Variants in CCDC191 observed in about 807,000 individuals in gnomAD.
The protein encoded by CCDC191 is coiled-coil domain containing 191.
CCDC191 carries 99 observed loss-of-function variants against 114.0 expected under a neutral mutation model. The observed-to-expected ratio is 0.87, with a 90% confidence interval of 0.74 to 1.03. CCDC191 has a LOEUF of 1.03. Among genes scored for constraint, CCDC191 ranks in the 50% least tolerant of loss-of-function variants. The pLI, the probability that CCDC191 is intolerant of heterozygous loss-of-function variation, is 0.00. For synonymous variants in CCDC191, 351 were observed against 376.0 expected (o/e 0.93, Z 0.77); for missense variants, 973 against 1,087.0 (o/e 0.90, Z 1.47).
At chr3:114,015,116 C>A (rs1276838383) in intron 8 of CCDC191, among the ~76,000 whole-genome samples, 1 of 152,032 alleles carries the variant, frequency 6.6e-6, no homozygotes, top group African/African-American at 2.4e-5. Context: ...CTCTGTCACT[C>A]CCACTTTGGG....
At chr3:113,973,802 T>C (rs1941059192) in intron 16 of CCDC191, among the ~76,000 whole-genome samples, 1 of 152,100 alleles carries the variant, frequency 6.6e-6, no homozygotes. Flanking sequence ...TTCTCTGACT[T>C]TCCTATACGT....
intron 16 of CCDC191, among the ~76,000 whole-genome samples, chr3:113,970,959 G>T (rs995038390): frequency 1.2e-4 from 18 of 152,112 alleles, no homozygotes; most frequent in African/African-American, 4.3e-4. Context: ...TCTTAATCCA[G>T]TCTATCATTG....
chr3:113,991,935 G>C (rs1271683240), intron 13 of CCDC191, among the ~76,000 whole-genome samples: 1 of 152,028 alleles, frequency 6.6e-6, no homozygotes, highest in Admixed American at 6.6e-5. Flanking sequence ...GCAGTAGTTA[G>C]GTACAAATCT....
At chr3:114,015,032 C>T (rs999199603) in intron 8 of CCDC191, among the ~76,000 whole-genome samples, 1 of 151,920 alleles carries the variant, frequency 6.6e-6, no homozygotes, top group African/African-American at 2.4e-5. Flanking sequence ...GAATGAATGA[C>T]CAAACGAATG....
chr3:114,055,996 T>C (rs1454834178), intron 1 of CCDC191, among the ~76,000 whole-genome samples: 4 of 144,652 alleles, frequency 2.8e-5, no homozygotes, highest in African/African-American at 7.7e-5. Flanking sequence ...TTAATAAAGA[T>C]CAATTACCCC....
intron 3 of CCDC191, among the ~76,000 whole-genome samples, chr3:114,045,539 A>G (rs914700523): frequency 6.6e-6 from 1 of 151,832 alleles, no homozygotes; most frequent in African/African-American, 2.4e-5. Flanking sequence ...GCCCTGCTAA[A>G]TCCTTCATAT....
At chr3:114,021,742 G>T (rs1232194523) in intron 7 of CCDC191, among the ~76,000 whole-genome samples, 1 of 151,978 alleles carries the variant, frequency 6.6e-6, no homozygotes, top group East Asian at 1.9e-4. Flanking sequence ...TCTATACTTT[G>T]GAACTACAAT....
intron 14 of CCDC191, 61 bp downstream of exon 14, chr3:113,980,581 TAACTGGGC>T (rs2075112644): frequency 7.0e-7 from 1 of 1,418,976 alleles, no homozygotes; most frequent in Non-Finnish European, 9.4e-7. Flanking sequence ...CCCCCAAGCT[TAACTGGGC>T]ATCCATCCTA....
At chr3:114,006,606 ATATATATATAT>A (rs2075968521) in intron 9 of CCDC191, among the ~76,000 whole-genome samples, 1 of 133,534 alleles carries the variant, frequency 7.5e-6, no homozygotes, top group African/African-American at 3.0e-5. Flanking sequence ...ATATATATAT[ATATATATATAT>A]AAATATATAT....
At chr3:114,001,502 T>C in intron 13 of CCDC191, 93 bp downstream of exon 13, 1 of 1,500,188 alleles carries the variant, frequency 6.7e-7, no homozygotes, top group Non-Finnish European at 9.0e-7. Flanking sequence ...GTATTCCAGA[T>C]AGAAGTTCTG....
intron 7 of CCDC191, among the ~76,000 whole-genome samples, chr3:114,022,773 G>C (rs943313806): frequency 6.6e-6 from 1 of 152,066 alleles, no homozygotes; most frequent in Non-Finnish European, 1.5e-5. Context: ...GATTAGAGAG[G>C]TAGTTTTAAG....
intron 16 of CCDC191, among the ~76,000 whole-genome samples, chr3:113,972,709 T>A (rs1940945454): frequency 6.6e-6 from 1 of 152,142 alleles, no homozygotes; most frequent in Non-Finnish European, 1.5e-5. Context: ...TCTCTCCCTT[T>A]ATTGTTTGCT....
At chr3:114,050,100 G>A (rs1340607369) in intron 2 of CCDC191, among the ~76,000 whole-genome samples, 1 of 152,174 alleles carries the variant, frequency 6.6e-6, no homozygotes, top group Non-Finnish European at 1.5e-5. Context: ...CTTCAAAAGC[G>A]TATCATAGTA....
In CCDC191 at chr3:114,036,769, C is replaced by A; in HGVS notation, c.433G>T (p.Glu145Ter). 1.3e-6 allele frequency: 2 copies of A among 1,547,352 alleles called. No homozygotes were observed. Among genetic ancestry groups the A allele is most frequent in the Middle Eastern group, 1.7e-4 (1 of 5,826 alleles). The part of the protein sequence containing the change: ...DKFDDLCGYL[E>*]EEEESTTVQK... ...ACGGTGGTACTTTCCTCTTCTTCCT[C>A]CAAATAGCCACATAAATCTGGGGGA... The change falls in exon 5 of 17, where the codon GAG becomes TAG. Residue 145 changes from glutamate to a stop codon, truncating the protein, a stop_gained. Transcript: ENST00000295878. LOFTEE classifies it high-confidence loss of function.
intron 11 of CCDC191, chr3:114,002,850 C>G: frequency 1.0e-6 from 1 of 973,598 alleles, no homozygotes; most frequent in South Asian, 4.7e-5. Context: ...ATATGAAACC[C>G]AGAAACCAGA....
At chr3:114,016,075 C>T (rs775890958) in intron 8 of CCDC191, among the ~76,000 whole-genome samples, 2 of 152,194 alleles carry the variant, frequency 1.3e-5, no homozygotes, top group African/African-American at 2.4e-5. Flanking sequence ...GAGCGGAAAT[C>T]GAGGTGGCAA....
chr3:114,020,630 T>C (rs1404812594), intron 7 of CCDC191, among the ~76,000 whole-genome samples: 2 of 152,088 alleles, frequency 1.3e-5, no homozygotes, highest in African/African-American at 2.4e-5. Context: ...TTTGCATCAT[T>C]TGTTTACCTG....
intron 16 of CCDC191, among the ~76,000 whole-genome samples, chr3:113,977,014 G>A (rs1941412086): frequency 1.3e-5 from 2 of 152,160 alleles, no homozygotes; most frequent in Admixed American, 1.3e-4. Context: ...GGTGGAGGTA[G>A]GCACCCTCAT....
At chr3:113,976,970 G>GTATC (rs1553740124) in intron 16 of CCDC191, among the ~76,000 whole-genome samples, 2 of 152,110 alleles carry the variant, frequency 1.3e-5, no homozygotes, top group African/African-American at 2.4e-5. Flanking sequence ...CTGATTTCCA[G>GTATC]TATCTGTGAA....
Sources: gnomAD v4.1 joint callset for allele counts (sites outside exome capture counted in the v4.1 genomes callset) on GRCh38, gnomAD v4.1.1 for gene constraint, MANE v1.5 for transcripts, NCBI Gene and HGNC (gene_info 2026-07-23, HGNC 2026-07-21) for gene names.